The following ROBO2 variants were observed in gnomAD, a reference collection of about 807,000 sequenced individuals.
The protein encoded by ROBO2 is roundabout homolog 2.
A neutral mutation model predicts 160.8 loss-of-function variants in ROBO2; 53 were observed. The ratio of observed to expected loss-of-function variants is 0.33; its 90% CI spans 0.26 to 0.41. The LOEUF (loss-of-function observed/expected upper bound fraction) is 0.41, where lower values mean the gene tolerates loss of function less well. Ranked by LOEUF, ROBO2 falls within the 10% of genes least tolerant of loss-of-function variation. The pLI is 1.00. For synonymous variants in ROBO2, 664 were observed against 611.7 expected (o/e 1.09, Z -1.26); for missense variants, 1,577 against 1,722.4 (o/e 0.92, Z 1.49).
intron 2 of ROBO2, among the ~76,000 whole-genome samples, chr3:77,331,212 A>G (rs1346027591): frequency 6.6e-6 from 1 of 152,242 alleles, no homozygotes; most frequent in African/African-American, 2.4e-5. Flanking sequence ...GAACTGATTA[A>G]TACATAAACA....
intron 2 of ROBO2, among the ~76,000 whole-genome samples, chr3:77,373,124 GTT>G (rs2072040827): frequency 7.0e-6 from 1 of 142,378 alleles, no homozygotes; most frequent in Non-Finnish European, 1.5e-5. Flanking sequence ...TATTATAAAA[GTT>G]ATAAAATTAT....
intron 2 of ROBO2, among the ~76,000 whole-genome samples, chr3:77,147,054 T>C (rs1421755920): frequency 6.6e-6 from 1 of 152,180 alleles, no homozygotes; most frequent in African/African-American, 2.4e-5. Flanking sequence ...ATATATGCAA[T>C]ATGCACCTGT....
At chr3:76,322,418 C>T (rs2107904665) in intron 2 of ROBO2, among the ~76,000 whole-genome samples, 1 of 151,702 alleles carries the variant, frequency 6.6e-6, no homozygotes, top group Non-Finnish European at 1.5e-5. Context: ...TAACTTGGAG[C>T]CTCAAATATA....
intron 2 of ROBO2, among the ~76,000 whole-genome samples, chr3:76,316,400 G>A (rs1335574710): frequency 2.6e-5 from 4 of 152,066 alleles, no homozygotes; most frequent in East Asian, 1.9e-4. Flanking sequence ...TAGTGATATC[G>A]CTCCTACTTC....
At chr3:77,558,127 C>G in exon 9 of ROBO2, 4 of 1,612,988 alleles carry the variant, frequency 2.5e-6, no homozygotes, top group Non-Finnish European at 3.4e-6. Context: ...GAGCAAGGCA[C>G]ACTGCAGATT....
chr3:77,595,086 G>A, intron 17 of ROBO2, 56 bp from the exon 19 acceptor site: 6 of 1,352,872 alleles, frequency 4.4e-6, no homozygotes, highest in Non-Finnish European at 6.4e-6. Flanking sequence ...GTTATTAATT[G>A]TAATTAATAT....
At chr3:76,666,326 A>G (rs1161817554) in intron 2 of ROBO2, among the ~76,000 whole-genome samples, 1 of 152,024 alleles carries the variant, frequency 6.6e-6, no homozygotes, top group Non-Finnish European at 1.5e-5. Flanking sequence ...ATGATGACCA[A>G]CTTTTAAGCA....
intron 2 of ROBO2, among the ~76,000 whole-genome samples, chr3:76,181,393 AT>A (rs36032060): frequency 0.31 from 47,755 of 151,984 alleles, 8,846 homozygotes; most frequent in Non-Finnish European, 0.41. Flanking sequence ...AAGAAAGGAA[AT>A]TCAAATGAGT....
intron 2 of ROBO2, among the ~76,000 whole-genome samples, chr3:76,117,839 A>T (rs2070543834): frequency 6.6e-6 from 1 of 152,224 alleles, no homozygotes; most frequent in African/African-American, 2.4e-5. Context: ...AATGTATTTG[A>T]TAAATCACTT....
chr3:76,302,299 T>C (rs564187585), intron 2 of ROBO2, among the ~76,000 whole-genome samples: 1 of 152,086 alleles, frequency 6.6e-6, no homozygotes, highest in Non-Finnish European at 1.5e-5. Context: ...ATTTTCCAGC[T>C]TATCAATGAT....
intron 2 of ROBO2, among the ~76,000 whole-genome samples, chr3:76,217,397 C>T (rs558265634): frequency 6.6e-6 from 1 of 151,950 alleles, no homozygotes; most frequent in Non-Finnish European, 1.5e-5. Flanking sequence ...AAAAGCTCAA[C>T]AAAATTGATA....
At chr3:76,146,988 G>A (rs542078642) in intron 2 of ROBO2, among the ~76,000 whole-genome samples, 1 of 151,302 alleles carries the variant, frequency 6.6e-6, no homozygotes, top group South Asian at 2.1e-4. Flanking sequence ...AGATTGGGAG[G>A]TGGGAGAAGA....
At chr3:77,516,649 C>A (rs2090051406) in intron 5 of ROBO2, among the ~76,000 whole-genome samples, 1 of 151,076 alleles carries the variant, frequency 6.6e-6, no homozygotes, top group South Asian at 2.1e-4. Context: ...GTGTAGATTG[C>A]CACTCAAATT....
intron 2 of ROBO2, among the ~76,000 whole-genome samples, chr3:77,010,190 T>TAAA (rs2061797100): frequency 6.6e-6 from 1 of 152,114 alleles, no homozygotes; most frequent in Admixed American, 6.5e-5. Context: ...TCAAAATTCA[T>TAAA]ATTAGTTTGG....
At chr3:76,971,477 A>G (rs1411425681) in intron 2 of ROBO2, among the ~76,000 whole-genome samples, 1 of 152,198 alleles carries the variant, frequency 6.6e-6, no homozygotes, top group African/African-American at 2.4e-5. Context: ...TAGATTTTAT[A>G]TGTCAGATGA....
chr3:76,868,723 T>C (rs1339052055), intron 2 of ROBO2, among the ~76,000 whole-genome samples: 3 of 152,194 alleles, frequency 2.0e-5, no homozygotes, highest in African/African-American at 7.2e-5. Flanking sequence ...AAATGTCATA[T>C]TGTGCTTATG....
At chr3:76,958,369 T>C (rs912110611) in intron 2 of ROBO2, among the ~76,000 whole-genome samples, 1 of 152,222 alleles carries the variant, frequency 6.6e-6, no homozygotes, top group African/African-American at 2.4e-5. Flanking sequence ...AGAACACAGT[T>C]TGTGATTTTT....
chr3:76,999,399 T>C (rs2061216471), intron 2 of ROBO2, among the ~76,000 whole-genome samples: 1 of 152,078 alleles, frequency 6.6e-6, no homozygotes, highest in Admixed American at 6.6e-5. Context: ...CAGATAATAG[T>C]TTTCTTTACC....
chr3:77,311,367 A>G (rs573537386), intron 2 of ROBO2, among the ~76,000 whole-genome samples: 2 of 152,336 alleles, frequency 1.3e-5, no homozygotes, highest in South Asian at 4.1e-4. Context: ...TTCCACAGAT[A>G]AACTGTATAT....
Sources: allele counts gnomAD v4.1 joint callset (sites outside exome capture counted in the v4.1 genomes callset), GRCh38; gene constraint gnomAD v4.1.1; transcripts MANE v1.5; gene names NCBI Gene and HGNC (gene_info 2026-07-23, HGNC 2026-07-21).